The following LHX4 variants were observed in gnomAD, a reference collection of about 807,000 sequenced individuals.
The protein encoded by LHX4 is LIM/homeobox protein Lhx4.
In LHX4, 16 loss-of-function variants were observed where a neutral mutation model predicts 39.2. That is an observed-to-expected ratio of 0.41 (90% CI 0.28 to 0.62). The LOEUF is 0.62. Ranked by LOEUF, LHX4 falls within the 20% of genes least tolerant of loss-of-function variation. The pLI, the probability that LHX4 is intolerant of heterozygous loss-of-function variation, is 0.33. For synonymous variants in LHX4, 206 were observed against 198.1 expected (o/e 1.04, Z -0.33); for missense variants, 439 against 511.9 (o/e 0.86, Z 1.37).
chr1:180,258,080 A>G (rs2149260203), intron 2 of LHX4, among the ~76,000 whole-genome samples: 1 of 152,376 alleles, frequency 6.6e-6, no homozygotes, highest in South Asian at 2.1e-4. Context: ...TGCTGGATTC[A>G]GTAGTGAACA....
At position 180,262,771 on chromosome 1, in the gene LHX4, C is replaced by T. The variant is rs377319695; in HGVS notation, c.249-3621C>T. ...CAGGCAAATGTTTTAAGAAGCAGTT[C>T]GTTCGTTCACTCATTCGTTTGCTCA... On this transcript the variant is annotated intron_variant, in intron 2 of 5. Transcript: ENST00000263726. Among the ~76,000 whole-genome samples, 22 of 151,810 alleles carry T rather than the reference C, an allele frequency of 1.4e-4. No homozygotes were observed. In the East Asian group the frequency reaches 1.7e-3, roughly 12 times the overall value.
rs978015029 is a variant in LHX4, at chr1:180,271,622, G to A, written c.606+88G>A. The A allele has an allele frequency of 3.3e-6, 5 of 1,530,968 alleles. No individual in the cohort carries two copies. In the African/African-American group the frequency reaches 5.5e-5, roughly 17 times the overall value. 94.8% of individuals were successfully genotyped at this position (1,530,968 alleles called of 1,614,324 possible). ...TCCTGAGTGACATCAGCTCACGGGT[G>A]GTTGGGCTCAGGGCTTGACCCCAGG... On this transcript the variant is annotated intron_variant, in intron 4 of 5. Coordinates refer to ENST00000263726, the MANE Select transcript of LHX4 (RefSeq NM_033343.4).
chr1:180,271,183 T>A, intron 3 of LHX4, 197 bp from the exon 4 acceptor site: 2 of 652,328 alleles, frequency 3.1e-6, no homozygotes, highest in Non-Finnish European at 5.6e-6. Flanking sequence ...CACTTTTCAG[T>A]GGCTTGGGAA....
intron 1 of LHX4, among the ~76,000 whole-genome samples, chr1:180,237,583 G>A (rs749322792): frequency 5.9e-5 from 9 of 152,128 alleles, no homozygotes; most frequent in Non-Finnish European, 2.9e-5. Context: ...CTGGAAAGTC[G>A]TCTTGGGAGG....
chr1:180,241,791 T>C (rs7529839), intron 1 of LHX4, among the ~76,000 whole-genome samples: 1 of 151,950 alleles, frequency 6.6e-6, no homozygotes, highest in Non-Finnish European at 1.5e-5. Context: ...GTTTTGATTT[T>C]TTTTGTTTTT....
intron 1 of LHX4, among the ~76,000 whole-genome samples, chr1:180,246,935 G>A (rs993268934): frequency 2.6e-5 from 4 of 152,172 alleles, no homozygotes; most frequent in South Asian, 2.1e-4. Context: ...GACAAACAAC[G>A]AGCAAAGGTG....
chr1:180,261,892 G>A (rs368969646), intron 2 of LHX4, among the ~76,000 whole-genome samples: 5 of 152,262 alleles, frequency 3.3e-5, no homozygotes, highest in Non-Finnish European at 5.9e-5. Flanking sequence ...ACAGTCCTTC[G>A]GGAAGAAAAC....
At chr1:180,252,702 C>A (rs1647681572) in intron 2 of LHX4, among the ~76,000 whole-genome samples, 3 of 152,120 alleles carry the variant, frequency 2.0e-5, no homozygotes, top group South Asian at 2.1e-4. Context: ...ACGGAGAGTA[C>A]CCACTGGAGG....
At chr1:180,244,818 C>G (rs1647322641) in intron 1 of LHX4, among the ~76,000 whole-genome samples, 1 of 152,176 alleles carries the variant, frequency 6.6e-6, no homozygotes, top group Non-Finnish European at 1.5e-5. Context: ...GTTAATTGCC[C>G]CCCTGGGAGT....
Position 180,266,270 on chromosome 1 carries a change from T to A in LHX4, c.249-122T>A. The A allele has an allele frequency of 2.2e-6, 2 of 904,978 alleles. No individual in the cohort carries two copies. The highest frequency in any genetic ancestry group is 3.6e-6 in the Non-Finnish European group (2 of 553,800). 56.1% of individuals were successfully genotyped at this position (904,978 alleles called of 1,614,324 possible). A position where few individuals can be genotyped will look rare whatever the true frequency, so the allele number is the denominator to read the frequency against. On this transcript the variant is annotated intron_variant, in intron 2 of 5. Transcript: ENST00000263726. This position sits in a 1 kb window ranked among gnomAD's most constrained non-coding sequence, Gnocchi z 5.7. ...GACCAGACGGTAAGCTCTGGGTGACTGGGGGGTGAGGCTCATGGAGTCCCG... is the reference window on the plus strand; with the variant it reads ...GACCAGACGGTAAGCTCTGGGTGACAGGGGGGTGAGGCTCATGGAGTCCCG...
upstream of LHX4, among the ~76,000 whole-genome samples, chr1:180,229,996 C>G (rs1419829419): frequency 1.5e-5 from 2 of 133,054 alleles, no homozygotes; most frequent in African/African-American, 5.9e-5. Flanking sequence ...CGAGGCCCCG[C>G]CCCGCTCCCT....
At chr1:180,258,456 C>T (rs1335592683) in intron 2 of LHX4, among the ~76,000 whole-genome samples, 4 of 152,158 alleles carry the variant, frequency 2.6e-5, no homozygotes, top group African/African-American at 9.7e-5. Flanking sequence ...GTAGAAGCCA[C>T]TGGAAGGTTT....
chr1:180,271,687 T>C, intron 4 of LHX4, 148 bp from the exon 5 acceptor site: 1 of 1,299,398 alleles, frequency 7.7e-7, no homozygotes, highest in Non-Finnish European at 1.1e-6. Context: ...GAGGCCCACC[T>C]GGGGAGAGGG....
At position 180,230,718 on chromosome 1, in the gene LHX4, G is replaced by T. The variant is rs1664157056; in HGVS notation, c.76+113G>T. 4.0e-6 allele frequency: 4 copies of T among 997,788 alleles called. No individual in the cohort carries two copies. The Admixed American group carries it at 5.9e-5, about 15-fold the overall frequency. 61.8% of individuals were successfully genotyped at this position (997,788 alleles called of 1,614,324 possible). A position where few individuals can be genotyped will look rare whatever the true frequency, so the allele number is the denominator to read the frequency against. On this transcript the variant is annotated intron_variant, in intron 1 of 5. Transcript: ENST00000263726. The surrounding 1 kb of genome is among the most constrained non-coding windows in gnomAD (Gnocchi z 5.8). ...GGGCCGGGAGGGGCTGGCGGCCGGG[G>T]CGCAGAGGCGGTCACAGGGCAGGGG... is the stretch of plus-strand genomic sequence containing the variant.
intron 1 of LHX4, among the ~76,000 whole-genome samples, chr1:180,244,969 C>T (rs912862919): frequency 6.6e-6 from 1 of 152,246 alleles, no homozygotes; most frequent in South Asian, 2.1e-4. Flanking sequence ...GCCCCGCTGT[C>T]GGGGCTCAGT....
intron 2 of LHX4, 61 bp downstream of exon 2, chr1:180,248,517 G>T (rs1456530530): frequency 1.1e-5 from 17 of 1,589,980 alleles, no homozygotes; most frequent in Admixed American, 1.7e-5. Flanking sequence ...CAAGCAGTGA[G>T]GGGGAAGTTT....
At chr1:180,269,332 C>T (rs189361797) in intron 3 of LHX4, among the ~76,000 whole-genome samples, 153 of 152,272 alleles carry the variant, frequency 1.0e-3, no homozygotes, top group African/African-American at 3.6e-3. Flanking sequence ...ATTTAACTTC[C>T]GTACCAAAGT....
chr1:180,245,518 C>T (rs1647350224), intron 1 of LHX4, among the ~76,000 whole-genome samples: 1 of 152,220 alleles, frequency 6.6e-6, no homozygotes, highest in South Asian at 2.1e-4. Context: ...GGCCACTCGG[C>T]CTCCACGGGA....
At position 180,234,582 on chromosome 1, in the gene LHX4, C is replaced by T. The variant is rs1664268701; in HGVS notation, c.76+3977C>T. ...TTGTTATCTGAGAGGGCCGTTAGCACGGAGGGAAGCTTGGAAAGCCGCTGT... is the reference window on the plus strand; with the variant it reads ...TTGTTATCTGAGAGGGCCGTTAGCATGGAGGGAAGCTTGGAAAGCCGCTGT... On this transcript the variant is annotated intron_variant, in intron 1 of 5. Coordinates refer to ENST00000263726, the MANE Select transcript of LHX4 (RefSeq NM_033343.4). The surrounding 1 kb of genome is among the most constrained non-coding windows in gnomAD (Gnocchi z 4.8). Among the ~76,000 whole-genome samples the T allele has an allele frequency of 6.6e-6, 1 of 152,176 alleles. No homozygotes were observed. Among genetic ancestry groups the T allele is most frequent in the South Asian group, 2.1e-4 (1 of 4,834 alleles).
Sources: gnomAD v4.1 joint callset for allele counts (sites outside exome capture counted in the v4.1 genomes callset) on GRCh38, gnomAD v4.1.1 for gene constraint, Gnocchi (gnomAD v3.1) non-coding constraint, MANE v1.5 for transcripts, NCBI Gene and HGNC (gene_info 2026-07-23, HGNC 2026-07-21) for gene names.